The following JDP2 variants were observed in gnomAD, a reference collection of about 807,000 sequenced individuals.
JDP2 encodes the protein Jun dimerization protein 2, also known as progesterone receptor co-activator.
In JDP2, 9 loss-of-function variants were observed where a neutral mutation model predicts 17.1. The observed-to-expected ratio is 0.53, with a 90% CI of 0.32 to 0.92. The LOEUF is 0.92. Among genes scored for constraint, JDP2 ranks in the 40% least tolerant of loss-of-function variants. The probability of loss-of-function intolerance (pLI) is 0.04; values close to 1 mark genes in which losing one functional copy is unlikely to be tolerated. For missense variants in JDP2, 179 were observed against 220.0 expected, an observed-to-expected ratio of 0.81 and a Z score of 1.18; for synonymous variants, 107 against 95.6, an observed-to-expected ratio of 1.12 and a Z score of -0.69.
chr14:75,456,538 C>T (rs929123874), intron 2 of JDP2, among the ~76,000 whole-genome samples: 1 of 152,176 alleles, frequency 6.6e-6, no homozygotes, highest in African/African-American at 2.4e-5. Flanking sequence ...CCTGCTTTCC[C>T]CTGCTCCAGG....
chr14:75,457,700 A>C (rs1691875957), intron 2 of JDP2, among the ~76,000 whole-genome samples: 1 of 152,272 alleles, frequency 6.6e-6, no homozygotes, highest in Admixed American at 6.5e-5. Context: ...CACACACCCT[A>C]AGTTTTTTCC....
chr14:75,453,968 T>G (rs1885987146), intron 2 of JDP2, among the ~76,000 whole-genome samples: 1 of 152,252 alleles, frequency 6.6e-6, no homozygotes, highest in African/African-American at 2.4e-5. Flanking sequence ...TTTCAGCGCC[T>G]TGGGTTGAGA....
At chr14:75,436,425 T>G (rs1037154692) in intron 1 of JDP2, among the ~76,000 whole-genome samples, 3 of 152,244 alleles carry the variant, frequency 2.0e-5, no homozygotes, top group African/African-American at 7.2e-5. Flanking sequence ...GATGGAAGGA[T>G]AGGCCAAAGA....
rs918918805 is a variant in JDP2, at chr14:75,432,196, C to T, written c.-24+3944C>T. The T allele has an allele frequency of 4.7e-5, 40 of 853,228 alleles. No homozygotes were observed. The African/African-American group carries it at 6.2e-4, about 13-fold the overall frequency. The allele number at this position is 853,228 out of a possible 1,614,324, so 52.9% of individuals were successfully genotyped here. A position where few individuals can be genotyped will look rare whatever the true frequency, so the allele number is the denominator to read the frequency against. On this transcript the variant is annotated intron_variant, in intron 1 of 3. Transcript: ENST00000651602. Reference sequence around the variant, plus strand: ...TCTTGGGGCCTTCCCCATCATCTTGCTTCTCGCCTTCTGGATCTCCTCGAC... The same window carrying T: ...TCTTGGGGCCTTCCCCATCATCTTGTTTCTCGCCTTCTGGATCTCCTCGAC...
In JDP2 at chr14:75,430,904, A is replaced by C. The variant is rs948094303; in HGVS notation, c.-24+2652A>C. Among the ~76,000 whole-genome samples the C allele has an allele frequency of 1.6e-4, 25 of 151,896 alleles. No homozygotes were observed. Among genetic ancestry groups the C allele is most frequent in the African/African-American group, 4.8e-5 (2 of 41,316 alleles). ...ATTTTCAGACTGTGTTTCTTTACTT[A>C]TTGCTGGCTGTGGGAGGCCTGGCCA... On this transcript the variant is annotated intron_variant, in intron 1 of 3. Transcript: ENST00000651602. This position sits in a 1 kb window ranked among gnomAD's most constrained non-coding sequence, Gnocchi z 4.5.
Position 75,470,253 on chromosome 14 carries a change from C to G in JDP2, c.*778C>G, listed in dbSNP as rs918168881. 1 of 148,740 alleles carries G rather than the reference C, an allele frequency of 6.7e-6. No homozygotes were observed. Among genetic ancestry groups the G allele is most frequent in the Non-Finnish European group, 1.5e-5 (1 of 67,602 alleles). The allele number at this position is 148,740 out of a possible 1,614,324, so 9.2% of individuals were successfully genotyped here. A position where few individuals can be genotyped will look rare whatever the true frequency, so the allele number is the denominator to read the frequency against. On this transcript the variant is annotated 3_prime_UTR_variant, in exon 4 of 4. Coordinates refer to ENST00000651602, the MANE Select transcript of JDP2 (RefSeq NM_001135048.2). ...ATATATATGGATTTCTATAATCACT[C>G]GATGTGATACAGTATAAATATGCTA...
chr14:75,454,925 G>A (rs1886035084), intron 2 of JDP2, among the ~76,000 whole-genome samples: 1 of 152,130 alleles, frequency 6.6e-6, no homozygotes, highest in Non-Finnish European at 1.5e-5. Flanking sequence ...AAGCAGAGGA[G>A]CTGACTTGTG....
chr14:75,458,057 G>A (rs964051221), intron 2 of JDP2, among the ~76,000 whole-genome samples: 7 of 152,196 alleles, frequency 4.6e-5, no homozygotes, highest in Non-Finnish European at 8.8e-5. Flanking sequence ...GCTCAGGTCC[G>A]GTTCTTCAGG....
intron 2 of JDP2, among the ~76,000 whole-genome samples, chr14:75,455,010 G>T (rs1244524293): frequency 6.6e-6 from 1 of 152,150 alleles, no homozygotes; most frequent in Non-Finnish European, 1.5e-5. Flanking sequence ...GGACCAGGCT[G>T]GAGGCAGCAG....
intron 2 of JDP2, among the ~76,000 whole-genome samples, chr14:75,446,783 C>G (rs1885619761): frequency 6.6e-6 from 1 of 152,116 alleles, no homozygotes; most frequent in Non-Finnish European, 1.5e-5. Context: ...GAATTGTATA[C>G]TTTAATGGAC....
At chr14:75,434,998 C>T (rs1031792076) in intron 1 of JDP2, among the ~76,000 whole-genome samples, 2 of 152,230 alleles carry the variant, frequency 1.3e-5, no homozygotes, top group Non-Finnish European at 2.9e-5. Flanking sequence ...TGGGGTCACC[C>T]GGGCAACAAC....
intron 2 of JDP2, among the ~76,000 whole-genome samples, chr14:75,451,158 T>C (rs1039238815): frequency 6.6e-6 from 1 of 152,126 alleles, no homozygotes; most frequent in African/African-American, 2.4e-5. Flanking sequence ...TTGGGCCTCA[T>C]CCGGAGGGTA....
chr14:75,469,554 A>G lies in JDP2; in HGVS notation c.*79A>G, dbSNP rs1886727530. On this transcript the variant is annotated 3_prime_UTR_variant, in exon 4 of 4. Transcript: ENST00000651602. ...AGAGAGAGGAGGAGGGGGGCCCCAG[A>G]TGGCCCTTCCTTTGGTGCATGAAAA... The G allele has an allele frequency of 3.1e-6, 4 of 1,307,942 alleles. No homozygotes were observed. The highest frequency in any genetic ancestry group is 1.5e-5 in the African/African-American group (1 of 67,598). 81.0% of individuals were successfully genotyped at this position (1,307,942 alleles called of 1,614,324 possible). A position where few individuals can be genotyped will look rare whatever the true frequency, so the allele number is the denominator to read the frequency against.
chr14:75,468,538 C>T (rs10130505), intron 3 of JDP2, among the ~76,000 whole-genome samples: 6,507 of 152,270 alleles, frequency 0.043, 471 homozygotes, highest in African/African-American at 0.15. Flanking sequence ...ACCCTCGCCA[C>T]CTCCCGAATC....
intron 2 of JDP2, among the ~76,000 whole-genome samples, chr14:75,460,830 A>G (rs1348055848): frequency 6.6e-6 from 1 of 152,190 alleles, no homozygotes; most frequent in Non-Finnish European, 1.5e-5. Flanking sequence ...GAACCTGGAT[A>G]TCTGTCTTAG....
rs941242117 is a variant in JDP2 at position 75,472,419 on chromosome 14, T to C, written c.*2944T>C. ...GTGACCTCAGTTGCCAGGGAACTTG[T>C]GCAGGAAGCCGGGAGAGATGGCACA... On this transcript the variant is annotated 3_prime_UTR_variant, in exon 4 of 4. Transcript: ENST00000651602. The C allele has an allele frequency of 1.3e-5, 2 of 152,238 alleles. No individual in the cohort carries two copies. Among genetic ancestry groups the C allele is most frequent in the African/African-American group, 4.8e-5 (2 of 41,446 alleles). The allele number at this position is 152,238 out of a possible 1,614,324, so 9.4% of individuals were successfully genotyped here. A position where few individuals can be genotyped will look rare whatever the true frequency, so the allele number is the denominator to read the frequency against.
chr14:75,443,390 G>C (rs188665342), intron 2 of JDP2, among the ~76,000 whole-genome samples: 76 of 152,280 alleles, frequency 5.0e-4, no homozygotes, highest in South Asian at 1.7e-3. Flanking sequence ...TGGCTCTTTG[G>C]AATAGCATTG....
chr14:75,436,392 C>T (rs985079180), intron 1 of JDP2, among the ~76,000 whole-genome samples: 3 of 152,234 alleles, frequency 2.0e-5, no homozygotes, highest in Non-Finnish European at 2.9e-5. Flanking sequence ...ATACATCTCT[C>T]TCCATGGGAA....
At chr14:75,432,074 T>C in intron 1 of JDP2, 1 of 568,578 alleles carries the variant, frequency 1.8e-6, no homozygotes, top group East Asian at 2.9e-5. Flanking sequence ...GTGATCTGGC[T>C]CCAAAACCGC....
Sources: allele counts gnomAD v4.1 joint callset (sites outside exome capture counted in the v4.1 genomes callset), GRCh38; gene constraint gnomAD v4.1.1; non-coding constraint Gnocchi (gnomAD v3.1); transcripts MANE v1.5; gene names NCBI Gene and HGNC (gene_info 2026-07-23, HGNC 2026-07-21).